Variants in WDR89 observed in about 807,000 individuals in gnomAD.
WDR89 encodes the protein WD repeat-containing protein 89.
Under a neutral mutation model 29.1 loss-of-function variants are expected in WDR89, and 17 were observed. That is an observed-to-expected ratio of 0.58 (90% CI 0.40 to 0.88). The LOEUF is 0.88. Among genes scored for constraint, WDR89 ranks in the 40% least tolerant of loss-of-function variants. WDR89 has a pLI of 0.00. For missense variants in WDR89, 396 were observed against 456.3 expected (o/e 0.87, Z 1.20); for synonymous variants, 138 against 157.8 (o/e 0.87, Z 0.94).
At chr14:63,630,472 G>A (rs1165326800) in intron 1 of WDR89, among the ~76,000 whole-genome samples, 1 of 151,498 alleles carries the variant, frequency 6.6e-6, no homozygotes, top group Admixed American at 6.6e-5. Context: ...GTGAAACCCC[G>A]TCTCTACTAA....
intron 2 of WDR89, among the ~76,000 whole-genome samples, chr14:63,601,064 A>G (rs1423879529): frequency 4.6e-5 from 7 of 152,154 alleles, no homozygotes; most frequent in Non-Finnish European, 1.5e-5. Context: ...TCTAGAAACT[A>G]AAAAGCAAGA....
chr14:63,629,699 T>G (rs537241758), intron 1 of WDR89, among the ~76,000 whole-genome samples: 1 of 152,310 alleles, frequency 6.6e-6, no homozygotes, highest in South Asian at 2.1e-4. Context: ...GAGACGACAT[T>G]GAAGCAAGCA....
rs186790915 is a variant in WDR89, at chr14:63,613,654, C to A, written c.-32+11274G>T. ...AGTGGCTAGGATTGCAGGTGCCCAC[C>A]ACCATCCCAGCTAATTTTTGTATTT... is the stretch of plus-strand genomic sequence containing the variant. On this transcript the variant is annotated intron_variant, in intron 2 of 2. Transcript: ENST00000620954. 3.3e-5 allele frequency among the ~76,000 whole-genome samples: 5 copies of A among 151,736 alleles called. No individual in the cohort carries two copies. The East Asian group carries it at 7.8e-4, about 24-fold the overall frequency.
At chr14:63,623,785 AAGACAG>A (rs1248233128) in intron 2 of WDR89, among the ~76,000 whole-genome samples, 1 of 151,852 alleles carries the variant, frequency 6.6e-6, no homozygotes, top group East Asian at 1.9e-4. Context: ...CCTTATTTAA[AAGACAG>A]AGATTGTCAG....
At chr14:63,628,942 A>AC (rs1883233726) in intron 1 of WDR89, among the ~76,000 whole-genome samples, 2 of 151,830 alleles carry the variant, frequency 1.3e-5, no homozygotes, top group South Asian at 2.1e-4. Flanking sequence ...CTGTCTCAAA[A>AC]AAAAAACAAA....
intron 1 of WDR89, among the ~76,000 whole-genome samples, chr14:63,626,610 C>G (rs1595034426): frequency 7.9e-6 from 1 of 126,744 alleles, no homozygotes; most frequent in East Asian, 2.4e-4. Flanking sequence ...GCCCGGGAGG[C>G]AGAGGTTGCA....
intron 1 of WDR89, among the ~76,000 whole-genome samples, chr14:63,630,078 G>C (rs765743287): frequency 2.6e-5 from 4 of 152,028 alleles, no homozygotes; most frequent in Non-Finnish European, 4.4e-5. Context: ...CTCCCAAGTA[G>C]CTGGGACTAT....
At chr14:63,622,339 G>A (rs1015400731) in intron 2 of WDR89, among the ~76,000 whole-genome samples, 10 of 152,224 alleles carry the variant, frequency 6.6e-5, no homozygotes, top group Admixed American at 6.5e-5. Context: ...CAGGACTTTG[G>A]GAGGCTGAGG....
intron 1 of WDR89, among the ~76,000 whole-genome samples, chr14:63,639,128 G>C (rs574672395): frequency 6.6e-6 from 1 of 152,234 alleles, no homozygotes; most frequent in East Asian, 1.9e-4. Context: ...TAAGGAAATG[G>C]ATTTTCTTCT....
In WDR89 at chr14:63,600,318, A is replaced by AC. The variant is rs575627598; in HGVS notation, c.-31-346dup. On this transcript the variant is annotated intron_variant, in intron 2 of 2. Transcript: ENST00000620954. ...AGACCAGCCTGAGCAACATGGGGAGACCCCCCCGCCGTCTCTTCAAAAAAT... is the reference window on the plus strand; with the variant it reads ...AGACCAGCCTGAGCAACATGGGGAGACCCCCCCCGCCGTCTCTTCAAAAAAT... 1.8e-3 allele frequency among the ~76,000 whole-genome samples: 274 copies of AC among 151,082 alleles called. 1 individual carries two copies. The highest frequency in any genetic ancestry group is 5.7e-3 in the African/African-American group (236 of 41,156).
intron 1 of WDR89, among the ~76,000 whole-genome samples, chr14:63,638,771 T>C (rs953441506): frequency 7.9e-5 from 12 of 152,226 alleles, no homozygotes; most frequent in Admixed American, 3.9e-4. Flanking sequence ...TGAATTTGTT[T>C]TTCTCTTATA....
chr14:63,598,680 T>A lies in WDR89; in HGVS notation c.*99A>T. On this transcript the variant is annotated 3_prime_UTR_variant, in exon 3 of 3. Transcript: ENST00000620954. ...TTCCAGGACTGTTTGCTAACTGGCT[T>A]GTTTTTACATAAAGCTTTAAACATG... 2 of 1,112,616 alleles carry A rather than the reference T, an allele frequency of 1.8e-6. No homozygotes were observed. The highest frequency in any genetic ancestry group is 2.4e-6 in the Non-Finnish European group (2 of 830,674). The allele number at this position is 1,112,616 out of a possible 1,614,324, so 68.9% of individuals were successfully genotyped here.
chr14:63,631,373 T>C (rs575633769), intron 1 of WDR89, among the ~76,000 whole-genome samples: 1 of 152,218 alleles, frequency 6.6e-6, no homozygotes, highest in South Asian at 2.1e-4. Flanking sequence ...TGACTATTTA[T>C]TTATTTATTT....
intron 2 of WDR89, among the ~76,000 whole-genome samples, chr14:63,622,107 T>G (rs1352196347): frequency 1.3e-5 from 2 of 152,182 alleles, no homozygotes; most frequent in African/African-American, 2.4e-5. Context: ...TAAAAACTAG[T>G]AATAACAAAC....
intron 2 of WDR89, among the ~76,000 whole-genome samples, chr14:63,617,184 G>A (rs1258216335): frequency 2.0e-5 from 3 of 148,774 alleles, no homozygotes; most frequent in South Asian, 2.1e-4. Flanking sequence ...AGGTACAAGC[G>A]ATTCTGTCTC....
At chr14:63,632,618 G>C (rs1456918115) in intron 1 of WDR89, among the ~76,000 whole-genome samples, 1 of 151,300 alleles carries the variant, frequency 6.6e-6, no homozygotes, top group Non-Finnish European at 1.5e-5. Context: ...GGATGATAGA[G>C]CAAGACTCCG....
intron 1 of WDR89, among the ~76,000 whole-genome samples, chr14:63,633,697 G>C (rs1038685971): frequency 5.9e-5 from 9 of 152,098 alleles, no homozygotes; most frequent in African/African-American, 2.2e-4. Context: ...TATAATGAGG[G>C]AAGATCAGAA....
Position 63,598,598 on chromosome 14 carries a change from G to T in WDR89, c.*181C>A. ...CAACTCACTGATTTTATACTTAGAG[G>T]CTTTAAAATTTTTTAGAATATGTGA... On this transcript the variant is annotated 3_prime_UTR_variant, in exon 3 of 3. Transcript: ENST00000620954. 1 of 466,972 alleles carries T rather than the reference G, an allele frequency of 2.1e-6. No individual in the cohort carries two copies. The highest frequency in any genetic ancestry group is 3.5e-6 in the Non-Finnish European group (1 of 281,784). The allele number at this position is 466,972 out of a possible 1,614,324, so 28.9% of individuals were successfully genotyped here. A position where few individuals can be genotyped will look rare whatever the true frequency, so the allele number is the denominator to read the frequency against.
intron 1 of WDR89, among the ~76,000 whole-genome samples, chr14:63,638,764 ATTTG>A (rs1459610607): frequency 5.9e-5 from 9 of 152,282 alleles, no homozygotes; most frequent in Admixed American, 4.6e-4. Flanking sequence ...TTTACTGTGA[ATTTG>A]TTTTTCTCTT....
Sources: allele counts gnomAD v4.1 joint callset (sites outside exome capture counted in the v4.1 genomes callset), GRCh38; gene constraint gnomAD v4.1.1; transcripts MANE v1.5; gene names NCBI Gene and HGNC (gene_info 2026-07-23, HGNC 2026-07-21).